The following MARK1 variants were observed in gnomAD, a reference collection of about 807,000 sequenced individuals.
The protein encoded by MARK1 is microtubule affinity regulating kinase 1, also known as serine/threonine-protein kinase MARK1.
Under a neutral mutation model 96.3 loss-of-function variants are expected in MARK1, and 40 were observed. That is an observed-to-expected ratio of 0.42 (90% CI 0.32 to 0.54). MARK1 has a LOEUF of 0.54. Among genes scored for constraint, MARK1 ranks in the 20% least tolerant of loss-of-function variants. MARK1 has a pLI of 0.16. For synonymous variants in MARK1, 317 were observed against 341.2 expected (o/e 0.93, Z 0.78); for missense variants, 719 against 984.6 (o/e 0.73, Z 3.61).
chr1:220,559,858 G>A lies in MARK1; in HGVS notation c.52-19496G>A, dbSNP rs1028583931. ...GAAGACAGAGGAGGAAGAATGAAGT[G>A]GAAGTTTTAGAGAAGAGTAAAGTGA... On this transcript the variant is annotated intron_variant, in intron 1 of 17. Transcript: ENST00000366917. Among the ~76,000 whole-genome samples the A allele has an allele frequency of 3.3e-5, 5 of 150,400 alleles. No individual in the cohort carries two copies. The East Asian group carries it at 9.9e-4, about 30-fold the overall frequency.
chr1:220,662,519 T>C lies in MARK1; in HGVS notation c.*353T>C, dbSNP rs143568657. On this transcript the variant is annotated 3_prime_UTR_variant, in exon 18 of 18. Coordinates refer to ENST00000366917, the MANE Select transcript of MARK1 (RefSeq NM_018650.5). Reference sequence around the variant, plus strand: ...TTGATGCTTTGATTTGAAAATGTTCTTCCCTGTTATTTACATTCTGGTGGG... The same window carrying C: ...TTGATGCTTTGATTTGAAAATGTTCCTCCCTGTTATTTACATTCTGGTGGG... 5.5e-6 allele frequency: 1 copy of C among 180,958 alleles called. No individual in the cohort carries two copies. The highest frequency in any genetic ancestry group is 1.4e-4 in the East Asian group (1 of 7,134). The allele number at this position is 180,958 out of a possible 1,614,324, so 11.2% of individuals were successfully genotyped here. A position where few individuals can be genotyped will look rare whatever the true frequency, so the allele number is the denominator to read the frequency against.
intron 1 of MARK1, among the ~76,000 whole-genome samples, chr1:220,555,423 G>A (rs978205475): frequency 6.6e-6 from 1 of 152,126 alleles, no homozygotes; most frequent in African/African-American, 2.4e-5. Context: ...AAAATTGTTG[G>A]GAGGTTGTTG....
rs766160456 is a variant in MARK1 at position 220,650,757 on chromosome 1, G to T, written c.1571+37G>T. On this transcript the variant is annotated intron_variant, in intron 14 of 17. Transcript: ENST00000366917. ...AGTGCCAAGTAGTAATACCTTTGCT[G>T]TTGTTCTGTGTTAGTGCCCTTGCTG... 8 of 1,447,190 alleles carry T rather than the reference G, an allele frequency of 5.5e-6. No homozygotes were observed. The South Asian group carries it at 6.9e-5, about 13-fold the overall frequency. The allele number at this position is 1,447,190 out of a possible 1,614,324, so 89.6% of individuals were successfully genotyped here.
intron 13 of MARK1, among the ~76,000 whole-genome samples, chr1:220,638,931 C>T (rs1282952711): frequency 6.6e-6 from 1 of 152,134 alleles, no homozygotes; most frequent in Non-Finnish European, 1.5e-5. Context: ...ATTAATTCTT[C>T]TATAGGTTTT....
chr1:220,542,929 C>A (rs1572050474), intron 1 of MARK1, among the ~76,000 whole-genome samples: 1 of 152,218 alleles, frequency 6.6e-6, no homozygotes, highest in East Asian at 1.9e-4. Context: ...ATGTAAATTT[C>A]CATACTTATG....
chr1:220,656,695 A>G (rs1669195836), intron 16 of MARK1, among the ~76,000 whole-genome samples: 1 of 152,216 alleles, frequency 6.6e-6, no homozygotes, highest in South Asian at 2.1e-4. Context: ...TATACTTCCC[A>G]ATGAAAATGC....
intron 1 of MARK1, among the ~76,000 whole-genome samples, chr1:220,548,755 C>T (rs1271773682): frequency 6.6e-6 from 1 of 151,304 alleles, no homozygotes; most frequent in Non-Finnish European, 1.5e-5. Flanking sequence ...ACTCCCATCT[C>T]AGAAAAAAAA....
chr1:220,586,005 ACACACACG>A (rs1215654037), intron 3 of MARK1, among the ~76,000 whole-genome samples: 5 of 23,820 alleles, frequency 2.1e-4, no homozygotes, highest in African/African-American at 2.7e-4. Context: ...ACACACACAC[ACACACACG>A]CGCGCGTGCG....
At chr1:220,602,993 T>C (rs1299898082) in intron 5 of MARK1, among the ~76,000 whole-genome samples, 3 of 152,172 alleles carry the variant, frequency 2.0e-5, no homozygotes, top group African/African-American at 7.2e-5. Context: ...AACTGAGTCT[T>C]AATGAAGTTA....
At chr1:220,631,609 C>CTTCTAACTTG (rs1472208840) in intron 10 of MARK1, among the ~76,000 whole-genome samples, 3 of 152,180 alleles carry the variant, frequency 2.0e-5, no homozygotes, top group Admixed American at 2.0e-4. Context: ...CAGAGCTCTC[C>CTTCTAACTTG]TTCTAACTTG....
rs531041454 is a variant in MARK1, at chr1:220,566,788, G to A, written c.52-12566G>A. On this transcript the variant is annotated intron_variant, in intron 1 of 17. Transcript: ENST00000366917. ...CTATCTACTTAGTAACTACTTAATA[G>A]CAGCCATCATTTACTCAACACTGAC... Among the ~76,000 whole-genome samples the A allele has an allele frequency of 2.0e-5, 3 of 152,180 alleles. No individual in the cohort carries two copies. The East Asian group carries it at 5.8e-4, about 29-fold the overall frequency.
At chr1:220,605,553 A>G (rs530300525) in intron 6 of MARK1, among the ~76,000 whole-genome samples, 1 of 151,670 alleles carries the variant, frequency 6.6e-6, no homozygotes, top group African/African-American at 2.4e-5. Flanking sequence ...TTCAGGGTAC[A>G]TGTGCACAAC....
At chr1:220,625,965 G>A (rs1432956118) in intron 9 of MARK1, 10 of 551,260 alleles carry the variant, frequency 1.8e-5, no homozygotes, top group Non-Finnish European at 2.9e-5. Context: ...TTAAATTCTT[G>A]CGCTCCATCT....
At chr1:220,556,485 CA>C (rs55808704) in intron 1 of MARK1, among the ~76,000 whole-genome samples, 1,671 of 85,710 alleles carry the variant, frequency 0.019, 6 homozygotes, top group South Asian at 0.052. Context: ...GGGACTGTCA[CA>C]AAAAAAAAAA....
chr1:220,533,831 C>G (rs979599783), intron 1 of MARK1, among the ~76,000 whole-genome samples: 1 of 152,168 alleles, frequency 6.6e-6, no homozygotes, highest in Non-Finnish European at 1.5e-5. Flanking sequence ...TTCTGGCACT[C>G]TGGTTAGATG....
chr1:220,653,191 A>G lies in MARK1; in HGVS notation c.1827A>G (p.Ser609=), dbSNP rs747787458. The change falls in exon 16 of 18, where the codon TCA becomes TCG. Residue 609 remains serine, a synonymous_variant. Transcript: ENST00000366917. ...PDRTRFPRGS[S]SRSTFHGEQL... ...GGACCCGTTTTCCCCGAGGGAGCTC[A>G]AGCCGAAGCACTTTCCATGGTGAAC... 6.2e-7 allele frequency: 1 copy of G among 1,614,210 alleles called. No homozygotes were observed. Among genetic ancestry groups the G allele is most frequent in the Non-Finnish European group, 8.5e-7 (1 of 1,180,030 alleles).
intron 1 of MARK1, among the ~76,000 whole-genome samples, chr1:220,530,384 AGCC>A (rs1287817067): frequency 6.6e-6 from 1 of 152,200 alleles, no homozygotes; most frequent in Non-Finnish European, 1.5e-5. Context: ...TTGGTTTTAA[AGCC>A]GAGTTGGCAC....
intron 15 of MARK1, among the ~76,000 whole-genome samples, 184 bp from the exon 16 acceptor site, chr1:220,652,917 C>A (rs557722186): frequency 2.1e-4 from 32 of 152,144 alleles, no homozygotes; most frequent in African/African-American, 7.7e-4. Context: ...TTTTTAGTGA[C>A]CAAACAAAAG....
At chr1:220,639,198 A>G (rs756397604) in intron 13 of MARK1, among the ~76,000 whole-genome samples, 5 of 152,262 alleles carry the variant, frequency 3.3e-5, no homozygotes, top group South Asian at 2.1e-4. Context: ...TGAGGCTGCA[A>G]TGAGCTATGA....
Sources: allele counts gnomAD v4.1 joint callset (sites outside exome capture counted in the v4.1 genomes callset), GRCh38; gene constraint gnomAD v4.1.1; transcripts MANE v1.5; gene names NCBI Gene and HGNC (gene_info 2026-07-23, HGNC 2026-07-21).